Variants in COL4A5 observed in about 807,000 individuals in gnomAD.
COL4A5 encodes collagen type IV alpha 5 chain, also known as collagen alpha-5(IV) chain.
COL4A5 carries 26 observed loss-of-function variants against 130.2 expected under a neutral mutation model. The ratio of observed to expected loss-of-function variants is 0.20; its 90% CI spans 0.15 to 0.28. The LOEUF is 0.28. COL4A5 is among the 10% of genes least tolerant of loss of function. The pLI, the probability that COL4A5 is intolerant of heterozygous loss-of-function variation, is 1.00. For missense variants in COL4A5, 1,131 were observed against 1,344.3 expected, an observed-to-expected ratio of 0.84 and a Z score of 2.48; for synonymous variants, 496 against 439.6, an observed-to-expected ratio of 1.13 and a Z score of -1.60.
chrX:108,507,701 G>C (rs1223770943), intron 1 of COL4A5, among the ~76,000 whole-genome samples: 2 of 111,221 alleles, frequency 1.8e-5, no homozygotes, highest in African/African-American at 6.6e-5. Context: ...CCAGCTGCTG[G>C]GGAGGCTGAG....
chrX:108,638,592 T>C (rs1280287510), intron 36 of COL4A5, among the ~76,000 whole-genome samples: 1 of 111,573 alleles, frequency 9.0e-6, no homozygotes. Flanking sequence ...GAAAAAGAAA[T>C]AAAAGTCATC....
At chrX:108,674,654 C>T in intron 42 of COL4A5, 91 bp from the exon 43 acceptor site, 1 of 886,191 alleles carries the variant, frequency 1.1e-6, no homozygotes, top group Non-Finnish European at 1.6e-6. Flanking sequence ...TAATGTGAAC[C>T]ACTTCTAACT....
At chrX:108,660,284 A>AT (rs2067928574) in intron 37 of COL4A5, among the ~76,000 whole-genome samples, 1 of 111,667 alleles carries the variant, frequency 9.0e-6, no homozygotes, top group Admixed American at 9.6e-5. Context: ...ATAATTTAGC[A>AT]TGAGAAACAA....
chrX:108,459,076 A>G (rs1291551999), intron 1 of COL4A5, among the ~76,000 whole-genome samples: 1 of 111,673 alleles, frequency 9.0e-6, no homozygotes, highest in Non-Finnish European at 1.9e-5. Context: ...GTATTCATGT[A>G]TTTGAATTGT....
chrX:108,459,406 A>G (rs1404117698), intron 1 of COL4A5, among the ~76,000 whole-genome samples: 1 of 111,927 alleles, frequency 8.9e-6, no homozygotes, highest in Non-Finnish European at 1.9e-5. Context: ...GTTTGAAAAC[A>G]TATGCTTCAC....
At chrX:108,605,676 C>T (rs751175631) in intron 28 of COL4A5, among the ~76,000 whole-genome samples, 162 of 112,016 alleles carry the variant, frequency 1.4e-3, no homozygotes, top group African/African-American at 5.0e-3. Context: ...CACAGCACAA[C>T]AAAATGATGC....
At chrX:108,524,410 T>C (rs915666849) in intron 1 of COL4A5, among the ~76,000 whole-genome samples, 1 of 111,446 alleles carries the variant, frequency 9.0e-6, no homozygotes, top group Non-Finnish European at 1.9e-5. Flanking sequence ...TTCTCTTTTC[T>C]TGGTGGTTTG....
At chrX:108,622,864 A>ATATC (rs1369407378) in intron 33 of COL4A5, 39 bp downstream of exon 33, 1 of 1,153,317 alleles carries the variant, frequency 8.7e-7, no homozygotes, top group African/African-American at 1.9e-5. Context: ...TTTTCCTGAT[A>ATATC]TATCTGAAGT....
chrX:108,447,242 A>G (rs752717468), intron 1 of COL4A5, among the ~76,000 whole-genome samples: 2 of 111,410 alleles, frequency 1.8e-5, no homozygotes, highest in African/African-American at 6.5e-5. Context: ...GATACTCAGA[A>G]ACTTCCCTTC....
At chrX:108,695,926 G>A in intron 52 of COL4A5, 2 of 217,297 alleles carry the variant, frequency 9.2e-6, no homozygotes, top group Non-Finnish European at 8.3e-6. Context: ...TTGCTTTTGG[G>A]TTATCACTAC....
rs747173624 is a variant in COL4A5, at chrX:108,454,053, A to G, written c.81+13847A>G. On this transcript the variant is annotated intron_variant, in intron 1 of 52. Coordinates refer to ENST00000328300, the MANE Select transcript of COL4A5 (RefSeq NM_033380.3). The stretch of plus-strand genomic sequence containing the variant: ...CATGAAACCAGAGTTCTTATCTTAC[A>G]TATCTTTGTATTCACCACAGTGCAT... Among the ~76,000 whole-genome samples, 5 of 111,713 alleles carry G rather than the reference A, an allele frequency of 4.5e-5. No homozygotes were observed. In the East Asian group the frequency reaches 1.4e-3, roughly 31 times the overall value.
intron 1 of COL4A5, among the ~76,000 whole-genome samples, chrX:108,536,926 A>G (rs1468490316): frequency 9.0e-6 from 1 of 111,675 alleles, no homozygotes; most frequent in East Asian, 2.8e-4. Context: ...CCGCTGTATC[A>G]TTATTCCATT....
At chrX:108,681,586 A>T (rs1300196622) in intron 46 of COL4A5, among the ~76,000 whole-genome samples, 174 bp from the exon 47 acceptor site, 1 of 112,201 alleles carries the variant, frequency 8.9e-6, no homozygotes, top group Non-Finnish European at 1.9e-5. Flanking sequence ...TTATTTTTCA[A>T]TTGAAAATTA....
At chrX:108,656,591 C>T (rs1801720298) in intron 37 of COL4A5, among the ~76,000 whole-genome samples, 1 of 111,630 alleles carries the variant, frequency 9.0e-6, no homozygotes, top group Non-Finnish European at 1.9e-5. Flanking sequence ...AACAGTTTTC[C>T]AACATGGTTT....
chrX:108,601,447 C>T lies in COL4A5; in HGVS notation c.2003C>T (p.Pro668Leu). 6.6e-6 allele frequency: 8 copies of T among 1,207,769 alleles called. No individual in the cohort carries two copies. The highest frequency in any genetic ancestry group is 8.9e-6 in the Non-Finnish European group (8 of 893,897). The change falls in exon 26 of 53, where the codon CCT becomes CTT. Residue 668 changes from proline (P) to leucine (L), a missense_variant. Pro to Leu is a moderately conservative substitution (Grantham distance 98). Coordinates refer to ENST00000328300, the MANE Select transcript of COL4A5 (RefSeq NM_033380.3). ...ACCCAGCCGGGGAAGCCTGGCTTGCCTGGTAACCCAGGCAGAGATGGTGAT... is the reference window on the plus strand; with the variant it reads ...ACCCAGCCGGGGAAGCCTGGCTTGCTTGGTAACCCAGGCAGAGATGGTGAT... ...TITQPGKPGL[P>L]GNPGRDGDVG... is the part of the protein sequence containing the mutation.
At chrX:108,524,319 C>T (rs1347168997) in intron 1 of COL4A5, among the ~76,000 whole-genome samples, 1 of 109,870 alleles carries the variant, frequency 9.1e-6, no homozygotes, top group Non-Finnish European at 1.9e-5. Flanking sequence ...TGTAGATGCC[C>T]TTATCAAGTT....
intron 37 of COL4A5, among the ~76,000 whole-genome samples, chrX:108,659,469 A>G (rs756482804): frequency 9.0e-6 from 1 of 111,194 alleles, no homozygotes; most frequent in East Asian, 2.8e-4. Context: ...TAATTGTTTT[A>G]TCAATTACTG....
intron 1 of COL4A5, 192 bp downstream of exon 1, chrX:108,440,398 T>G: frequency 4.7e-6 from 2 of 427,498 alleles, no homozygotes; most frequent in Non-Finnish European, 8.1e-6. Flanking sequence ...AACGGAGAGG[T>G]TTAAGTGCTT....
chrX:108,472,792 T>C (rs1272799273), intron 1 of COL4A5, among the ~76,000 whole-genome samples: 2 of 112,081 alleles, frequency 1.8e-5, no homozygotes, highest in Non-Finnish European at 3.8e-5. Context: ...TACCTAGTAG[T>C]GGGATTGCCA....
Sources: allele counts gnomAD v4.1 joint callset (sites outside exome capture counted in the v4.1 genomes callset), GRCh38; gene constraint gnomAD v4.1.1; transcripts MANE v1.5; gene names NCBI Gene and HGNC (gene_info 2026-07-23, HGNC 2026-07-21).